Variants in RSRC1 observed in about 807,000 individuals in gnomAD.
RSRC1 encodes the protein serine/Arginine-related protein 53.
Under a neutral mutation model 49.1 loss-of-function variants are expected in RSRC1, and 39 were observed. That is an observed-to-expected ratio of 0.79 (90% CI 0.61 to 1.04). RSRC1 has a LOEUF of 1.04. Among genes scored for constraint, RSRC1 ranks in the 50% least tolerant of loss-of-function variants. The pLI, the probability that RSRC1 is intolerant of heterozygous loss-of-function variation, is 0.00. For synonymous variants in RSRC1, 143 were observed against 130.8 expected (o/e 1.09, Z -0.63); for missense variants, 388 against 402.4 (o/e 0.96, Z 0.31).
At chr3:158,530,243 G>C (rs192219642) in intron 7 of RSRC1, among the ~76,000 whole-genome samples, 4 of 151,936 alleles carry the variant, frequency 2.6e-5, no homozygotes, top group Admixed American at 2.0e-4. Flanking sequence ...TTTATGCTGT[G>C]CTTCCTGTAT....
chr3:158,227,290 C>T (rs957787974), intron 4 of RSRC1, among the ~76,000 whole-genome samples: 9 of 151,930 alleles, frequency 5.9e-5, no homozygotes, highest in Admixed American at 1.3e-4. Flanking sequence ...CCTCCTTGTC[C>T]TGCCCTCTTC....
chr3:158,243,728 TCTTAGTTCTCTTTCAAGAGGTACTTCAC>T (rs1452900632), intron 4 of RSRC1, among the ~76,000 whole-genome samples: 1 of 152,160 alleles, frequency 6.6e-6, no homozygotes, highest in Non-Finnish European at 1.5e-5. Context: ...GAGCACTGGT[TCTTAGTTCTCTTTCAAGAGGTACTTCAC>T]CTCCCTTGTT....
chr3:158,480,078 T>C (rs1026123766), intron 7 of RSRC1, among the ~76,000 whole-genome samples: 7 of 152,040 alleles, frequency 4.6e-5, no homozygotes, highest in Non-Finnish European at 8.8e-5. Flanking sequence ...CATAGAAAAC[T>C]ACATGGGGAT....
chr3:158,202,565 T>TATATATATATATAC (rs1721113153), intron 3 of RSRC1, among the ~76,000 whole-genome samples: 1 of 137,234 alleles, frequency 7.3e-6, no homozygotes, highest in Admixed American at 7.2e-5. Context: ...TGGTAGATTA[T>TATATATATATATAC]ATATATATAT....
intron 3 of RSRC1, among the ~76,000 whole-genome samples, chr3:158,201,103 A>G (rs1032740880): frequency 1.3e-5 from 2 of 151,934 alleles, no homozygotes; most frequent in Non-Finnish European, 2.9e-5. Flanking sequence ...TTCATTTTTG[A>G]GGGATGTTTT....
At chr3:158,249,757 G>A (rs887345438) in intron 4 of RSRC1, among the ~76,000 whole-genome samples, 1 of 152,006 alleles carries the variant, frequency 6.6e-6, no homozygotes, top group Non-Finnish European at 1.5e-5. Context: ...AGTATATAAA[G>A]CGTAATAATC....
At chr3:158,386,341 C>T (rs896050846) in intron 6 of RSRC1, among the ~76,000 whole-genome samples, 2 of 151,938 alleles carry the variant, frequency 1.3e-5, no homozygotes, top group Non-Finnish European at 2.9e-5. Flanking sequence ...TGAAGTTCAA[C>T]TTATCAATTT....
chr3:158,493,780 G>A (rs981193882), intron 7 of RSRC1, among the ~76,000 whole-genome samples: 1 of 152,166 alleles, frequency 6.6e-6, no homozygotes, highest in East Asian at 1.9e-4. Context: ...CTGAAGCTCA[G>A]CTACTGTGAT....
chr3:158,399,170 T>G (rs1733773806), intron 6 of RSRC1, among the ~76,000 whole-genome samples: 1 of 22,930 alleles, frequency 4.4e-5, no homozygotes, highest in Non-Finnish European at 8.1e-5. Context: ...TTTTTTTTTT[T>G]TTGAGACGGA....
intron 7 of RSRC1, among the ~76,000 whole-genome samples, chr3:158,520,841 A>G (rs1318921887): frequency 2.0e-5 from 3 of 152,182 alleles, no homozygotes; most frequent in Non-Finnish European, 4.4e-5. Context: ...ATGTGGGTAT[A>G]TATAAAATTT....
intron 6 of RSRC1, among the ~76,000 whole-genome samples, chr3:158,382,543 T>C (rs1430845003): frequency 6.6e-6 from 1 of 152,132 alleles, no homozygotes; most frequent in Admixed American, 6.5e-5. Context: ...AAAACATTAT[T>C]ATCTGGTGCA....
At chr3:158,290,941 TC>T (rs1726902925) in intron 4 of RSRC1, among the ~76,000 whole-genome samples, 1 of 152,204 alleles carries the variant, frequency 6.6e-6, no homozygotes, top group African/African-American at 2.4e-5. Context: ...CACCTGTAAT[TC>T]CAGTTCTTTG....
chr3:158,444,478 G>A (rs181996643), intron 6 of RSRC1, among the ~76,000 whole-genome samples: 8 of 152,142 alleles, frequency 5.3e-5, no homozygotes, highest in East Asian at 3.9e-4. Flanking sequence ...AAACTGGATC[G>A]CTTCCTTACA....
intron 3 of RSRC1, among the ~76,000 whole-genome samples, chr3:158,159,340 A>G (rs1032158931): frequency 3.9e-5 from 6 of 152,236 alleles, no homozygotes; most frequent in African/African-American, 9.6e-5. Context: ...ATGGCCATTC[A>G]CCAAAGGGAC....
intron 4 of RSRC1, among the ~76,000 whole-genome samples, chr3:158,256,524 TTTGTTG>T (rs1403535821): frequency 6.6e-6 from 1 of 152,044 alleles, no homozygotes; most frequent in Non-Finnish European, 1.5e-5. Flanking sequence ...AAATTCTCTC[TTTGTTG>T]TTGTTGTTGT....
intron 5 of RSRC1, among the ~76,000 whole-genome samples, chr3:158,350,385 G>T (rs1338228910): frequency 6.6e-6 from 1 of 151,690 alleles, no homozygotes; most frequent in Admixed American, 6.6e-5. Context: ...TGTTGCCCAG[G>T]CTGGTCTCGA....
At chr3:158,218,530 G>C (rs1324089419) in intron 4 of RSRC1, among the ~76,000 whole-genome samples, 1 of 151,598 alleles carries the variant, frequency 6.6e-6, no homozygotes, top group Non-Finnish European at 1.5e-5. Flanking sequence ...AAGATGGCAG[G>C]GTATCATACA....
intron 7 of RSRC1, among the ~76,000 whole-genome samples, chr3:158,465,200 C>T (rs1051175787): frequency 9.9e-5 from 15 of 152,108 alleles, no homozygotes; most frequent in African/African-American, 3.6e-4. Context: ...TTTTCCCCTA[C>T]GGACTGCCTG....
chr3:158,288,849 CA>C (rs1433122129), intron 4 of RSRC1, among the ~76,000 whole-genome samples: 44 of 96,122 alleles, frequency 4.6e-4, no homozygotes, highest in African/African-American at 1.7e-3. Flanking sequence ...CCCCCCCCCC[CA>C]AATATTTTTG....
Sources: gnomAD v4.1 joint callset for allele counts (sites outside exome capture counted in the v4.1 genomes callset) on GRCh38, gnomAD v4.1.1 for gene constraint, MANE v1.5 for transcripts, NCBI Gene and HGNC (gene_info 2026-07-23, HGNC 2026-07-21) for gene names.